The following ILRUN variants were observed in gnomAD, a reference collection of about 807,000 sequenced individuals.
The protein encoded by ILRUN is inflammation and lipid regulator with UBA-like and NBR1-like domains.
ILRUN carries 3 observed loss-of-function variants against 33.8 expected under a neutral mutation model. The ratio of observed to expected loss-of-function variants is 0.09; its 90% CI spans 0.04 to 0.23. ILRUN has a LOEUF of 0.23. Ranked by LOEUF, ILRUN falls within the 10% of genes least tolerant of loss-of-function variation. The pLI is 1.00. For missense variants in ILRUN, 210 were observed against 375.1 expected (o/e 0.56, Z 3.64); for synonymous variants, 124 against 138.9 (o/e 0.89, Z 0.75).
chr6:34,621,775 T>C (rs983166072), intron 3 of ILRUN, among the ~76,000 whole-genome samples: 2 of 151,688 alleles, frequency 1.3e-5, no homozygotes, highest in Non-Finnish European at 2.9e-5. Context: ...GGCAGGAGAA[T>C]CACTTGAACC....
At chr6:34,594,281 A>G (rs1219989579) in intron 4 of ILRUN, among the ~76,000 whole-genome samples, 2 of 152,226 alleles carry the variant, frequency 1.3e-5, no homozygotes, top group Non-Finnish European at 2.9e-5. Flanking sequence ...CTCGGACCCA[A>G]GCAAAAATTG....
At chr6:34,614,739 C>T (rs1761844554) in intron 3 of ILRUN, among the ~76,000 whole-genome samples, 1 of 151,976 alleles carries the variant, frequency 6.6e-6, no homozygotes, top group East Asian at 1.9e-4. Context: ...AATAGAAAAA[C>T]CTGGCAAACA....
intron 4 of ILRUN, among the ~76,000 whole-genome samples, chr6:34,605,180 T>C (rs1364906744): frequency 2.0e-5 from 3 of 151,298 alleles, no homozygotes; most frequent in Non-Finnish European, 4.4e-5. Flanking sequence ...GTGGCACATG[T>C]CTGTAATCCC....
rs373384884 is a variant in ILRUN at position 34,635,347 on chromosome 6, T to C, written c.511+11254A>G. Among the ~76,000 whole-genome samples, 30 of 151,946 alleles carry C rather than the reference T, an allele frequency of 2.0e-4. No homozygotes were observed. In the East Asian group the frequency reaches 4.5e-3, roughly 23 times the overall value. Reference sequence around the variant, plus strand: ...GAGTTTGAGACCACCCTGGGCAACATAGCAAAACCCCGTCTCTAATCAAAA... The same window carrying C: ...GAGTTTGAGACCACCCTGGGCAACACAGCAAAACCCCGTCTCTAATCAAAA... On this transcript the variant is annotated intron_variant, in intron 3 of 4. Coordinates refer to ENST00000374023, the MANE Select transcript of ILRUN (RefSeq NM_024294.4).
intron 3 of ILRUN, among the ~76,000 whole-genome samples, chr6:34,608,331 C>G (rs1761676171): frequency 6.6e-6 from 1 of 151,336 alleles, no homozygotes; most frequent in Admixed American, 6.6e-5. Context: ...GAGGTGGAGC[C>G]GAGATTGTGC....
At chr6:34,683,865 C>T (rs775764584) in intron 1 of ILRUN, among the ~76,000 whole-genome samples, 9 of 152,032 alleles carry the variant, frequency 5.9e-5, no homozygotes, top group Non-Finnish European at 1.3e-4. Context: ...GAGTTTGAGA[C>T]CAGCCTGGGC....
rs990232275 is a variant in ILRUN, at chr6:34,650,018, G to A, written c.314-3220C>T. ...TCTATGAAGTTCAAAAAATAAAGACGACTCTGTATCAATATGCCCAAGATA... is the reference window on the plus strand; with the variant it reads ...TCTATGAAGTTCAAAAAATAAAGACAACTCTGTATCAATATGCCCAAGATA... On this transcript the variant is annotated intron_variant, in intron 2 of 4. Transcript: ENST00000374023. 2.0e-5 allele frequency among the ~76,000 whole-genome samples: 3 copies of A among 152,194 alleles called. No homozygotes were observed. In the East Asian group the frequency reaches 5.8e-4, roughly 29 times the overall value.
Position 34,684,450 on chromosome 6 carries a change from T to C in ILRUN, c.158+11996A>G, listed in dbSNP as rs925087111. Among the ~76,000 whole-genome samples, 9 of 152,176 alleles carry C rather than the reference T, an allele frequency of 5.9e-5. No homozygotes were observed. The South Asian group carries it at 1.2e-3, about 21-fold the overall frequency. On this transcript the variant is annotated intron_variant, in intron 1 of 4. Coordinates refer to ENST00000374023, the MANE Select transcript of ILRUN (RefSeq NM_024294.4). ...TTCACATCTAAATTACTGAGTAACA[T>C]AGGCATAAGAAAAAAATTAAGCCTT...
At chr6:34,616,672 G>A in intron 3 of ILRUN, 2 of 1,079,230 alleles carry the variant, frequency 1.9e-6, no homozygotes, top group Non-Finnish European at 1.4e-6. Context: ...AGGCAAGGAG[G>A]AAGCTTATCT....
At chr6:34,624,371 T>C (rs899981405) in intron 3 of ILRUN, among the ~76,000 whole-genome samples, 1 of 152,188 alleles carries the variant, frequency 6.6e-6, no homozygotes, top group Non-Finnish European at 1.5e-5. Flanking sequence ...TTGCCCAGGC[T>C]GGAGCACAAT....
intron 1 of ILRUN, among the ~76,000 whole-genome samples, chr6:34,688,392 G>A (rs915887731): frequency 1.6e-5 from 2 of 126,998 alleles, no homozygotes; most frequent in Non-Finnish European, 3.2e-5. Flanking sequence ...AACAGAATGA[G>A]ACCCTGTCTC....
In ILRUN at chr6:34,632,553, AT is replaced by A. The variant is rs1219435236; in HGVS notation, c.511+14047del. Among the ~76,000 whole-genome samples, 1,033 of 136,680 alleles carry A rather than the reference AT, an allele frequency of 7.6e-3. 5 individuals carry two copies. The highest frequency in any genetic ancestry group is 7.9e-3 in the African/African-American group (283 of 35,948). The allele number at this position is 136,680 out of a possible 152,430, so 89.7% of individuals were successfully genotyped here. ...GTATTTCTTTTTATCAGAGCAAATA[AT>A]TTTTTTTTTTTTTTTTTGAGATGGA... On this transcript the variant is annotated intron_variant, in intron 3 of 4. Transcript: ENST00000374023.
intron 3 of ILRUN, among the ~76,000 whole-genome samples, chr6:34,612,331 T>G (rs1761773742): frequency 6.6e-6 from 1 of 152,088 alleles, no homozygotes; most frequent in African/African-American, 2.4e-5. Context: ...CTTGGGAGGC[T>G]GAGGTGGGAG....
intron 3 of ILRUN, among the ~76,000 whole-genome samples, chr6:34,630,117 C>T (rs1327867449): frequency 2.0e-5 from 3 of 152,066 alleles, no homozygotes; most frequent in African/African-American, 2.4e-5. Flanking sequence ...TCCCAACAGT[C>T]GATCTGATAA....
intron 1 of ILRUN, among the ~76,000 whole-genome samples, chr6:34,679,489 T>A (rs949807277): frequency 2.6e-5 from 4 of 152,050 alleles, no homozygotes; most frequent in Non-Finnish European, 5.9e-5. Context: ...TGAAAAAAAA[T>A]TTTAAACAAT....
chr6:34,652,163 T>C (rs1410381879), intron 2 of ILRUN, among the ~76,000 whole-genome samples: 1 of 152,144 alleles, frequency 6.6e-6, no homozygotes, highest in Admixed American at 6.5e-5. Context: ...ATAAAAGCTA[T>C]TATAAAATGA....
At chr6:34,654,165 CAAAA>C (rs201289435) in intron 2 of ILRUN, among the ~76,000 whole-genome samples, 3 of 121,906 alleles carry the variant, frequency 2.5e-5, no homozygotes, top group Non-Finnish European at 5.4e-5. Context: ...CTTGTGGTTG[CAAAA>C]AAAAAAAAAA....
intron 3 of ILRUN, among the ~76,000 whole-genome samples, chr6:34,643,045 C>G (rs1762503959): frequency 6.6e-6 from 1 of 151,574 alleles, no homozygotes; most frequent in Non-Finnish European, 1.5e-5. Flanking sequence ...TCTGTAATCC[C>G]AGCACTTTGG....
intron 3 of ILRUN, 123 bp from the exon 4 acceptor site, chr6:34,607,027 T>G (rs899202576): frequency 1.3e-6 from 1 of 747,088 alleles, no homozygotes; most frequent in African/African-American, 1.8e-5. Flanking sequence ...TATGCTAGTT[T>G]TAAAAGCTTG....
Sources: allele counts gnomAD v4.1 joint callset (sites outside exome capture counted in the v4.1 genomes callset), GRCh38; gene constraint gnomAD v4.1.1; transcripts MANE v1.5; gene names NCBI Gene and HGNC (gene_info 2026-07-23, HGNC 2026-07-21).